Variants in LONP2 observed in about 807,000 individuals in gnomAD.
LONP2 encodes lon protease homolog 2, peroxisomal.
LONP2 carries 60 observed loss-of-function variants against 85.6 expected under a neutral mutation model. That is an observed-to-expected ratio of 0.70 (90% CI 0.57 to 0.87). The LOEUF is 0.87. Ranked by LOEUF, LONP2 falls within the 40% of genes least tolerant of loss-of-function variation. The pLI, the probability that LONP2 is intolerant of heterozygous loss-of-function variation, is 0.00. For missense variants in LONP2, 860 were observed against 1,063.5 expected, an observed-to-expected ratio of 0.81 and a Z score of 2.66; for synonymous variants, 395 against 389.7, an observed-to-expected ratio of 1.01 and a Z score of -0.16.
intron 8 of LONP2, among the ~76,000 whole-genome samples, chr16:48,295,356 A>G (rs913557423): frequency 6.6e-6 from 1 of 152,226 alleles, no homozygotes; most frequent in Non-Finnish European, 1.5e-5. Flanking sequence ...TGGGCAACAG[A>G]GTAAGACTCT....
chr16:48,277,504 T>C, intron 8 of LONP2, 25 bp downstream of exon 8: 1 of 1,609,538 alleles, frequency 6.2e-7, no homozygotes, highest in Non-Finnish European at 8.5e-7. Context: ...ATTCCCTGTC[T>C]GTCTTCATAC....
At chr16:48,262,558 A>G (rs1386429292) in intron 5 of LONP2, among the ~76,000 whole-genome samples, 1 of 152,248 alleles carries the variant, frequency 6.6e-6, no homozygotes, top group Non-Finnish European at 1.5e-5. Flanking sequence ...GTGGGACTCC[A>G]GAAGGGGCAG....
At chr16:48,294,772 G>C (rs1456410187) in intron 8 of LONP2, among the ~76,000 whole-genome samples, 15 of 152,014 alleles carry the variant, frequency 9.9e-5, no homozygotes, top group Non-Finnish European at 2.9e-5. Flanking sequence ...AACTAACTTT[G>C]GATAGTTTTG....
At position 48,362,368 on chromosome 16, in the gene LONP2, T is replaced by G. The variant is rs755907200; in HGVS notation, c.*505T>G. On this transcript the variant is annotated 3_prime_UTR_variant, in exon 5 of 5. Transcript: ENST00000565867. This position sits in a 1 kb window ranked among gnomAD's most constrained non-coding sequence, Gnocchi z 4.2. ...GTTGTGCCAGTCAGGGCAGGCACCC[T>G]CTGGGATGGTGGACACTTCGAGGTA... 5.6e-6 allele frequency: 9 copies of G among 1,614,180 alleles called. No individual in the cohort carries two copies.
intron 11 of LONP2, among the ~76,000 whole-genome samples, chr16:48,308,947 A>G (rs1309719048): frequency 6.6e-6 from 1 of 152,324 alleles, no homozygotes; most frequent in East Asian, 1.9e-4. Context: ...AAGCAACTCA[A>G]CAACAACAAA....
chr16:48,335,272 C>T (rs1466289279), intron 12 of LONP2, among the ~76,000 whole-genome samples: 1 of 152,192 alleles, frequency 6.6e-6, no homozygotes, highest in African/African-American at 2.4e-5. Context: ...AGCTTAGCTT[C>T]AGACTGTGCT....
downstream of LONP2, chr16:48,361,531 T>A (rs1167041900): frequency 6.9e-6 from 11 of 1,589,084 alleles, no homozygotes; most frequent in South Asian, 7.8e-5. Flanking sequence ...CCTTATTTTC[T>A]GTGAAACTGA....
intron 8 of LONP2, among the ~76,000 whole-genome samples, chr16:48,293,559 A>G (rs1413808178): frequency 6.6e-6 from 1 of 152,166 alleles, no homozygotes. Flanking sequence ...GGGGTTTTGC[A>G]GTGACAGGAG....
intron 8 of LONP2, among the ~76,000 whole-genome samples, chr16:48,283,927 A>G (rs984809502): frequency 1.3e-5 from 2 of 152,206 alleles, no homozygotes; most frequent in Non-Finnish European, 2.9e-5. Context: ...AAGAACATTC[A>G]TGATTCACGG....
intron 11 of LONP2, among the ~76,000 whole-genome samples, chr16:48,314,397 G>A (rs901805719): frequency 6.6e-6 from 1 of 152,048 alleles, no homozygotes; most frequent in Non-Finnish European, 1.5e-5. Context: ...GTCCTGAATG[G>A]TATTGCCTAG....
At chr16:48,266,327 G>GTT (rs373545339) in intron 6 of LONP2, among the ~76,000 whole-genome samples, 8 of 140,662 alleles carry the variant, frequency 5.7e-5, no homozygotes, top group Admixed American at 1.4e-4. Context: ...TTGGAGAAAG[G>GTT]TTTTTTTTTT....
At chr16:48,260,477 T>A (rs1457873191) in intron 4 of LONP2, among the ~76,000 whole-genome samples, 2 of 152,146 alleles carry the variant, frequency 1.3e-5, no homozygotes, top group African/African-American at 4.8e-5. Context: ...TGTGTGTCTG[T>A]AGTCCCAGCT....
At chr16:48,342,975 ATTCC>A (rs1227531473) in intron 12 of LONP2, among the ~76,000 whole-genome samples, 2 of 152,124 alleles carry the variant, frequency 1.3e-5, no homozygotes, top group Admixed American at 6.5e-5. Context: ...TCATATCTCC[ATTCC>A]TTGACATCTG....
At chr16:48,278,292 G>A (rs755365668) in intron 8 of LONP2, among the ~76,000 whole-genome samples, 10 of 152,056 alleles carry the variant, frequency 6.6e-5, no homozygotes, top group Admixed American at 1.3e-4. Flanking sequence ...CTTCTTAAGC[G>A]TCCGGTCTGA....
chr16:48,348,057 G>A (rs1233366353), intron 13 of LONP2, 43 bp from the exon 14 acceptor site: 2 of 1,519,488 alleles, frequency 1.3e-6, no homozygotes, highest in Non-Finnish European at 1.8e-6. Context: ...AAAGAAAACA[G>A]GTTTAATTTT....
intron 1 of LONP2, among the ~76,000 whole-genome samples, chr16:48,251,804 A>G (rs1211147928): frequency 6.6e-6 from 1 of 152,216 alleles, no homozygotes; most frequent in Non-Finnish European, 1.5e-5. Context: ...CCTTATTCTT[A>G]GTTGACAATG....
intron 9 of LONP2, 66 bp downstream of exon 9, chr16:48,296,231 G>A (rs1331631282): frequency 6.5e-7 from 1 of 1,531,334 alleles, no homozygotes; most frequent in Non-Finnish European, 8.9e-7. Flanking sequence ...AATTAGTTAT[G>A]CTATGGAGTT....
chr16:48,321,176 C>T (rs1002997556), intron 11 of LONP2, among the ~76,000 whole-genome samples: 4 of 152,170 alleles, frequency 2.6e-5, no homozygotes, highest in Admixed American at 2.0e-4. Context: ...TGAGCCACCG[C>T]GCCCGGCCTG....
chr16:48,270,345 T>G, intron 7 of LONP2, 71 bp downstream of exon 7: 1 of 1,517,014 alleles, frequency 6.6e-7, no homozygotes, highest in Non-Finnish European at 9.0e-7. Context: ...CCTAAAAGCT[T>G]AGGCATAGCA....
Sources: gnomAD v4.1 joint callset for allele counts (sites outside exome capture counted in the v4.1 genomes callset) on GRCh38, gnomAD v4.1.1 for gene constraint, Gnocchi (gnomAD v3.1) non-coding constraint, MANE v1.5 for transcripts, NCBI Gene and HGNC (gene_info 2026-07-23, HGNC 2026-07-21) for gene names.